The following MAPK10 variants were observed in gnomAD, a reference collection of about 807,000 sequenced individuals.
MAPK10 encodes the protein mitogen-activated protein kinase 10, also known as JNK3 alpha protein kinase.
In MAPK10, 25 loss-of-function variants were observed where a neutral mutation model predicts 59.3. The ratio of observed to expected loss-of-function variants is 0.42; its 90% CI spans 0.31 to 0.59. The LOEUF (loss-of-function observed/expected upper bound fraction) is 0.59. Ranked by LOEUF, MAPK10 falls within the 20% of genes least tolerant of loss-of-function variation. The probability of loss-of-function intolerance (pLI) is 0.15; values close to 1 mark genes in which losing one functional copy is unlikely to be tolerated. For missense variants in MAPK10, 351 were observed against 568.9 expected (o/e 0.62, Z 3.90); for synonymous variants, 190 against 200.5 (o/e 0.95, Z 0.44).
chr4:86,434,089 G>C (rs777499276), intron 1 of MAPK10, among the ~76,000 whole-genome samples: 24 of 152,134 alleles, frequency 1.6e-4, no homozygotes, highest in Non-Finnish European at 2.9e-4. Flanking sequence ...TTAACGCCAT[G>C]AATCTAAACA....
intron 2 of MAPK10, among the ~76,000 whole-genome samples, chr4:86,280,921 A>C (rs1268389513): frequency 6.6e-6 from 1 of 152,106 alleles, no homozygotes; most frequent in Non-Finnish European, 1.5e-5. Flanking sequence ...AAAGATGGGA[A>C]CAAAAGACAC....
chr4:86,130,789 G>T (rs970413990), intron 4 of MAPK10, among the ~76,000 whole-genome samples: 2 of 152,088 alleles, frequency 1.3e-5, no homozygotes, highest in African/African-American at 4.8e-5. Flanking sequence ...TTGAGGAAGA[G>T]GTGAAGGAAT....
intron 4 of MAPK10, among the ~76,000 whole-genome samples, chr4:86,109,681 C>T (rs916913340): frequency 3.3e-5 from 5 of 152,050 alleles, no homozygotes; most frequent in African/African-American, 9.7e-5. Context: ...TCGTGCATAG[C>T]GCTGCAATGG....
chr4:86,219,811 A>T (rs946084351), intron 2 of MAPK10: 6 of 152,162 alleles, frequency 3.9e-5, no homozygotes, highest in African/African-American at 1.4e-4. Context: ...AGTTGCTTTA[A>T]TATCTGTTAA....
chr4:86,025,954 A>T (rs757944853), intron 13 of MAPK10, among the ~76,000 whole-genome samples: 5 of 152,246 alleles, frequency 3.3e-5, no homozygotes, highest in Non-Finnish European at 7.3e-5. Context: ...TTTTTTATCT[A>T]CATGATCTTG....
Position 86,107,302 on chromosome 4 carries a change from C to G in MAPK10, c.287G>C (p.Ser96Thr). Residue 96 changes from serine to threonine, a missense_variant, in exon 5 of 14, where the codon AGC becomes ACC. By Grantham distance (58) the Ser-to-Thr change is moderately conservative. Coordinates refer to ENST00000641462, the MANE Select transcript of MAPK10 (RefSeq NM_138982.4). ...ATGTGTTTGGTTCTGAAAGGGTCTG[C>G]TGAGCTTCTTAATGGCCACATTTCT... ...LDRNVAIKKL[S>T]RPFQNQTHAK... 1.9e-6 allele frequency: 3 copies of G among 1,613,384 alleles called. 1 individual carries two copies. The South Asian group carries it at 3.3e-5, about 18-fold the overall frequency.
At chr4:86,310,307 C>G (rs1347043193) in intron 2 of MAPK10, among the ~76,000 whole-genome samples, 1 of 152,170 alleles carries the variant, frequency 6.6e-6, no homozygotes, top group Non-Finnish European at 1.5e-5. Context: ...CATCCTAAAT[C>G]TTGGCAAAAT....
rs116568367 is a variant in MAPK10 at position 86,406,670 on chromosome 4, G to A, written c.-122+46360C>T. ...TTAACCTCTATAGGAAAGGCACCAG[G>A]TTCAAGAGGCCAGAGAGCCAGGGCC... On this transcript the variant is annotated intron_variant, in intron 1 of 13. Coordinates refer to the MAPK10 transcript ENST00000361569. 9.0e-3 allele frequency among the ~76,000 whole-genome samples: 1,373 copies of A among 152,288 alleles called. 12 individuals are homozygous for A. The highest frequency in any genetic ancestry group is 0.015 in the Non-Finnish European group (1,040 of 68,026).
At chr4:86,451,409 C>A (rs1437931208) in intron 1 of MAPK10, among the ~76,000 whole-genome samples, 2 of 152,064 alleles carry the variant, frequency 1.3e-5, no homozygotes, top group Non-Finnish European at 2.9e-5. Flanking sequence ...TTTAGACTAG[C>A]ATGGTAATAA....
intron 4 of MAPK10, among the ~76,000 whole-genome samples, chr4:86,111,552 C>T (rs2057485514): frequency 6.6e-6 from 1 of 152,134 alleles, no homozygotes; most frequent in Admixed American, 6.5e-5. Flanking sequence ...TATGTTAAAC[C>T]AGCCTTGCAT....
upstream of MAPK10, among the ~76,000 whole-genome samples, chr4:86,454,528 A>C (rs184640082): frequency 1.3e-5 from 2 of 152,248 alleles, no homozygotes; most frequent in African/African-American, 4.8e-5. Context: ...AGACTCAAAC[A>C]AGCAGAAAAG....
Position 86,037,518 on chromosome 4 carries a change from TA to T in MAPK10, c.1111-6088del, listed in dbSNP as rs58836254. Among the ~76,000 whole-genome samples the T allele has an allele frequency of 5.9e-3, 837 of 142,166 alleles. 4 individuals are homozygous for T. The highest frequency in any genetic ancestry group is 0.015 in the Middle Eastern group (4 of 274). The allele number at this position is 142,166 out of a possible 152,430, so 93.3% of individuals were successfully genotyped here. On this transcript the variant is annotated intron_variant, in intron 11 of 13. Transcript: ENST00000641462. ...CTGGGTGACTGAGCGAGACTCCGTC[TA>T]AAAAAAAAAAAAAGTTGCCCTTTCT...
At chr4:86,250,207 A>G (rs575890566) in intron 2 of MAPK10, among the ~76,000 whole-genome samples, 2 of 152,304 alleles carry the variant, frequency 1.3e-5, no homozygotes, top group African/African-American at 2.4e-5. Flanking sequence ...CCAAGGAGCT[A>G]TGATCATTGA....
At chr4:86,320,487 A>G (rs936469958) in intron 2 of MAPK10, among the ~76,000 whole-genome samples, 1 of 152,222 alleles carries the variant, frequency 6.6e-6, no homozygotes, top group Non-Finnish European at 1.5e-5. Flanking sequence ...AATGGTATCA[A>G]TGACTTAGAA....
chr4:86,410,358 TTC>T (rs1283740925), intron 1 of MAPK10, among the ~76,000 whole-genome samples: 4 of 152,202 alleles, frequency 2.6e-5, no homozygotes, highest in East Asian at 1.9e-4. Flanking sequence ...TGGCCTAAAA[TTC>T]TCTTTTTCTT....
intron 9 of MAPK10, among the ~76,000 whole-genome samples, chr4:86,094,398 A>G (rs1028816776): frequency 2.0e-5 from 3 of 151,994 alleles, no homozygotes; most frequent in Non-Finnish European, 4.4e-5. Context: ...TCCAGCTGTT[A>G]GCTTTGGATA....
chr4:86,134,702 C>A (rs1430092428), intron 4 of MAPK10, among the ~76,000 whole-genome samples: 4 of 152,300 alleles, frequency 2.6e-5, no homozygotes, highest in Middle Eastern at 6.8e-3. Flanking sequence ...CGAATAGGAA[C>A]AGCTCCAGTC....
intron 1 of MAPK10, among the ~76,000 whole-genome samples, chr4:86,479,834 A>G (rs1338273736): frequency 1.3e-5 from 2 of 152,060 alleles, no homozygotes; most frequent in African/African-American, 2.4e-5. Flanking sequence ...CAATAATTCT[A>G]TAAGACAAAT....
intron 1 of MAPK10, among the ~76,000 whole-genome samples, chr4:86,372,702 C>A (rs375404244): frequency 1.4e-4 from 22 of 152,226 alleles, no homozygotes; most frequent in African/African-American, 5.1e-4. Context: ...TAAATAAGTT[C>A]TTTGAAACCA....
Sources: allele counts gnomAD v4.1 joint callset (sites outside exome capture counted in the v4.1 genomes callset), GRCh38; gene constraint gnomAD v4.1.1; transcripts MANE v1.5; gene names NCBI Gene and HGNC (gene_info 2026-07-23, HGNC 2026-07-21).